ANGPT1: variants seen among roughly 807,000 people sequenced by gnomAD.
ANGPT1 encodes angiopoietin 1.
In ANGPT1, 17 loss-of-function variants were observed where a neutral mutation model predicts 62.2. That is an observed-to-expected ratio of 0.27 (90% CI 0.19 to 0.41). The LOEUF (loss-of-function observed/expected upper bound fraction) is 0.41, where lower values mean the gene tolerates loss of function less well. Ranked by LOEUF, ANGPT1 falls within the 10% of genes least tolerant of loss-of-function variation. The pLI is 1.00. For missense variants in ANGPT1, 478 were observed against 594.9 expected, an observed-to-expected ratio of 0.80 and a Z score of 2.04; for synonymous variants, 199 against 198.9, an observed-to-expected ratio of 1.00 and a Z score of 0.00.
intron 1 of ANGPT1, among the ~76,000 whole-genome samples, chr8:107,472,528 C>T (rs978978222): frequency 9.2e-5 from 14 of 151,820 alleles, no homozygotes; most frequent in African/African-American, 1.9e-4. Flanking sequence ...TGTTGGGTAC[C>T]GTTCTTAAGA....
At chr8:107,361,679 G>A (rs1816169465) in intron 1 of ANGPT1, among the ~76,000 whole-genome samples, 1 of 149,184 alleles carries the variant, frequency 6.7e-6, no homozygotes, top group Non-Finnish European at 1.5e-5. Context: ...ATATATATGG[G>A]ATGGGGTAAT....
At chr8:107,319,267 A>C (rs951945170) in intron 4 of ANGPT1, among the ~76,000 whole-genome samples, 4 of 152,114 alleles carry the variant, frequency 2.6e-5, no homozygotes, top group Non-Finnish European at 4.4e-5. Flanking sequence ...TGCCAATGAC[A>C]GGGGAAGCTC....
intron 4 of ANGPT1, among the ~76,000 whole-genome samples, chr8:107,318,608 CTT>C (rs1454994914): frequency 1.3e-5 from 2 of 152,092 alleles, no homozygotes; most frequent in African/African-American, 4.8e-5. Context: ...ATACTAACCT[CTT>C]TTAATATTTC....
intron 4 of ANGPT1, among the ~76,000 whole-genome samples, chr8:107,319,718 G>A (rs911120049): frequency 2.0e-5 from 3 of 151,796 alleles, no homozygotes; most frequent in South Asian, 2.1e-4. Flanking sequence ...CATAGCCAAC[G>A]ACTAAGGCTC....
intron 1 of ANGPT1, among the ~76,000 whole-genome samples, chr8:107,427,420 A>T (rs1811067826): frequency 6.6e-6 from 1 of 152,012 alleles, no homozygotes; most frequent in African/African-American, 2.4e-5. Flanking sequence ...TGTTTCCTGA[A>T]CCTCATCTGT....
At chr8:107,463,158 G>A (rs1240466135) in intron 1 of ANGPT1, among the ~76,000 whole-genome samples, 11 of 152,140 alleles carry the variant, frequency 7.2e-5, no homozygotes, top group Admixed American at 7.2e-4. Context: ...CAGCATGCAT[G>A]CTTTGATGAA....
chr8:107,304,188 CTG>C (rs5893841), intron 4 of ANGPT1, among the ~76,000 whole-genome samples: 19,531 of 151,666 alleles, frequency 0.13, 1,534 homozygotes, highest in East Asian at 0.35. Context: ...TAGTTAGAGA[CTG>C]TCTCTACTGA....
chr8:107,326,048 TAGAC>T (rs763508706), intron 3 of ANGPT1, among the ~76,000 whole-genome samples: 1 of 152,180 alleles, frequency 6.6e-6, no homozygotes, highest in Non-Finnish European at 1.5e-5. Context: ...ATTAGCACGT[TAGAC>T]AGAACATTAA....
intron 7 of ANGPT1, among the ~76,000 whole-genome samples, chr8:107,278,594 T>C (rs1813920786): frequency 6.6e-6 from 1 of 152,192 alleles, no homozygotes. Context: ...AAGAGAATTT[T>C]GTGTGAGATT....
chr8:107,265,015 G>C (rs1813581099), intron 7 of ANGPT1, among the ~76,000 whole-genome samples: 1 of 152,032 alleles, frequency 6.6e-6, no homozygotes, highest in Non-Finnish European at 1.5e-5. Context: ...TATAAGAAAA[G>C]AAAACAAAAA....
chr8:107,330,515 A>C (rs34248555), intron 3 of ANGPT1, among the ~76,000 whole-genome samples: 2 of 152,054 alleles, frequency 1.3e-5, no homozygotes, highest in Non-Finnish European at 2.9e-5. Context: ...ACTCTCTTCT[A>C]TCAGTTATAG....
intron 1 of ANGPT1, among the ~76,000 whole-genome samples, chr8:107,371,705 T>C (rs936809823): frequency 6.6e-6 from 1 of 151,680 alleles, no homozygotes; most frequent in Non-Finnish European, 1.5e-5. Context: ...ACCTCCCTAG[T>C]AGCTGGGTTT....
At chr8:107,256,912 A>G (rs1049224612) in intron 8 of ANGPT1, among the ~76,000 whole-genome samples, 5 of 151,842 alleles carry the variant, frequency 3.3e-5, no homozygotes, top group African/African-American at 9.7e-5. Flanking sequence ...GCTGGAGTGC[A>G]GTGGCACAAT....
chr8:107,290,345 G>A (rs950485157), intron 6 of ANGPT1, among the ~76,000 whole-genome samples: 5 of 152,138 alleles, frequency 3.3e-5, no homozygotes, highest in Non-Finnish European at 7.4e-5. Flanking sequence ...TAGCATCCTA[G>A]TATATATAAT....
At chr8:107,310,976 TATGTGA>T (rs1314658067) in intron 4 of ANGPT1, among the ~76,000 whole-genome samples, 2 of 98,456 alleles carry the variant, frequency 2.0e-5, no homozygotes, top group Admixed American at 9.3e-5. Context: ...TATGAGTGTG[TATGTGA>T]GTGTGTGTGT....
At chr8:107,288,765 A>G (rs1814204335) in intron 6 of ANGPT1, among the ~76,000 whole-genome samples, 2 of 152,154 alleles carry the variant, frequency 1.3e-5, no homozygotes, top group Admixed American at 6.6e-5. Flanking sequence ...AGGTCCCTAT[A>G]GGGAGGCAAA....
At chr8:107,444,473 A>T (rs1306352060) in intron 1 of ANGPT1, among the ~76,000 whole-genome samples, 2 of 152,222 alleles carry the variant, frequency 1.3e-5, no homozygotes, top group African/African-American at 4.8e-5. Context: ...TCAGCAGTCT[A>T]GAAGCACGAG....
chr8:107,325,325 G>A (rs536793952), intron 3 of ANGPT1, among the ~76,000 whole-genome samples: 3 of 151,986 alleles, frequency 2.0e-5, no homozygotes, highest in African/African-American at 4.8e-5. Flanking sequence ...CTAGTCCTGG[G>A]GTAATGATCA....
At chr8:107,315,816 G>C (rs921162573) in intron 4 of ANGPT1, among the ~76,000 whole-genome samples, 1 of 152,072 alleles carries the variant, frequency 6.6e-6, no homozygotes, top group Non-Finnish European at 1.5e-5. Flanking sequence ...AGGAAAAATA[G>C]CCGTTTGCAT....
Sources: allele counts gnomAD v4.1 joint callset (sites outside exome capture counted in the v4.1 genomes callset), GRCh38; gene constraint gnomAD v4.1.1; transcripts MANE v1.5; gene names NCBI Gene and HGNC (gene_info 2026-07-23, HGNC 2026-07-21).